DENND4C: variants seen among roughly 807,000 people sequenced by gnomAD.
DENND4C encodes the protein DENN domain-containing protein 4C.
DENND4C carries 108 observed loss-of-function variants against 203.0 expected under a neutral mutation model. That is an observed-to-expected ratio of 0.53 (90% CI 0.46 to 0.62). The LOEUF (loss-of-function observed/expected upper bound fraction) is 0.62. DENND4C is among the 20% of genes least tolerant of loss of function. The pLI is 0.00. For missense variants in DENND4C, 2,481 were observed against 2,301.2 expected (o/e 1.08, Z -1.60); for synonymous variants, 871 against 792.4 (o/e 1.10, Z -1.67).
rs1237482240 is a variant in DENND4C at position 19,276,294 on chromosome 9, A to G, written c.120A>G (p.Lys40=). The G allele has an allele frequency of 2.4e-6, 3 of 1,231,990 alleles. No individual in the cohort carries two copies. The highest frequency in any genetic ancestry group is 3.0e-6 in the Non-Finnish European group (3 of 987,942). 76.3% of individuals were successfully genotyped at this position (1,231,990 alleles called of 1,614,324 possible). A position where few individuals can be genotyped will look rare whatever the true frequency, so the allele number is the denominator to read the frequency against. ...NRLDTKSTGP[K]APITDIAIII... is the part of the protein sequence containing the mutation. The stretch of plus-strand genomic sequence containing the variant: ...TAGATACTAAGTCAACTGGACCTAA[A>G]GCTCCAATTACAGACATTGCCATTA... Residue 40 remains lysine (K), a synonymous_variant, in exon 2 of 33, where the codon AAA becomes AAG. Coordinates refer to ENST00000434457, the MANE Select transcript of DENND4C (RefSeq NM_001330640.2).
chr9:19,309,057 G>A (rs188840728), intron 10 of DENND4C, among the ~76,000 whole-genome samples: 43 of 152,298 alleles, frequency 2.8e-4, no homozygotes, highest in African/African-American at 1.0e-3. Context: ...GATTGCCTTG[G>A]AATGAAGAGG....
chr9:19,233,713 T>C (rs1308317603), intron 1 of DENND4C, among the ~76,000 whole-genome samples: 1 of 151,598 alleles, frequency 6.6e-6, no homozygotes, highest in Non-Finnish European at 1.5e-5. Context: ...CTGCCTCAGC[T>C]TCCCAAATAG....
At chr9:19,368,086 T>G (rs1295056209) in intron 30 of DENND4C, among the ~76,000 whole-genome samples, 1 of 152,168 alleles carries the variant, frequency 6.6e-6, no homozygotes, top group African/African-American at 2.4e-5. Flanking sequence ...CATTGAATTG[T>G]GTATTTAAAT....
At chr9:19,356,405 C>G (rs543947938) in intron 26 of DENND4C, among the ~76,000 whole-genome samples, 1 of 152,160 alleles carries the variant, frequency 6.6e-6, no homozygotes, top group South Asian at 2.1e-4. Context: ...ATTACCATTA[C>G]CTCAGAAAAT....
chr9:19,334,933 G>A, intron 17 of DENND4C, 44 bp from the exon 18 acceptor site: 2 of 1,518,788 alleles, frequency 1.3e-6, no homozygotes, highest in Non-Finnish European at 1.8e-6. Flanking sequence ...TTCACAGATA[G>A]ATTAGTATAC....
At chr9:19,238,900 A>G (rs1205241354) in intron 1 of DENND4C, among the ~76,000 whole-genome samples, 1 of 148,740 alleles carries the variant, frequency 6.7e-6, no homozygotes, top group Admixed American at 6.7e-5. Flanking sequence ...TGATCCACCC[A>G]CCTCGGCCTC....
At chr9:19,329,896 G>A (rs1030193646) in intron 16 of DENND4C, among the ~76,000 whole-genome samples, 1 of 152,216 alleles carries the variant, frequency 6.6e-6, no homozygotes, top group Non-Finnish European at 1.5e-5. Flanking sequence ...AAAGAACTAA[G>A]CTGTGGTTAC....
At chr9:19,333,992 A>G (rs979190449) in intron 17 of DENND4C, among the ~76,000 whole-genome samples, 3 of 152,192 alleles carry the variant, frequency 2.0e-5, no homozygotes, top group African/African-American at 7.2e-5. Flanking sequence ...AATGGAAAGC[A>G]TAGTGATTGG....
chr9:19,318,765 C>A lies in DENND4C; in HGVS notation c.1807+1926C>A, dbSNP rs1488437739. On this transcript the variant is annotated intron_variant, in intron 12 of 32. Transcript: ENST00000434457. The stretch of plus-strand genomic sequence containing the variant: ...ATCCTCTTCTTACAAGGCTACCAGT[C>A]TTACTGAACTAGGATCTACCCAATA... Among the ~76,000 whole-genome samples the A allele has an allele frequency of 3.3e-5, 5 of 152,274 alleles. No homozygotes were observed. In the East Asian group the frequency reaches 9.6e-4, roughly 29 times the overall value.
At chr9:19,296,700 T>C (rs1290656918) in intron 6 of DENND4C, among the ~76,000 whole-genome samples, 1 of 152,158 alleles carries the variant, frequency 6.6e-6, no homozygotes, top group Non-Finnish European at 1.5e-5. Flanking sequence ...TAAAATTGGA[T>C]AGTAGTGGTA....
chr9:19,236,070 T>G (rs566193696), intron 1 of DENND4C, among the ~76,000 whole-genome samples: 5 of 152,146 alleles, frequency 3.3e-5, no homozygotes, highest in African/African-American at 1.2e-4. Context: ...GTATATGCAG[T>G]TCAATTATCT....
chr9:19,343,881 A>C (rs12004717), intron 22 of DENND4C, among the ~76,000 whole-genome samples: 2,586 of 152,292 alleles, frequency 0.017, 83 homozygotes, highest in African/African-American at 0.06. Flanking sequence ...TTTTTTAAAA[A>C]ACATTGAATA....
chr9:19,309,655 T>G (rs1183842592), intron 10 of DENND4C, among the ~76,000 whole-genome samples: 1 of 152,174 alleles, frequency 6.6e-6, no homozygotes, highest in Non-Finnish European at 1.5e-5. Context: ...GTCTTTTGTT[T>G]TTCCATGTAA....
In DENND4C at chr9:19,358,509, T is replaced by C. The variant is rs562198096; in HGVS notation, c.5160+349T>C. Among the ~76,000 whole-genome samples the C allele has an allele frequency of 4.7e-4, 71 of 152,084 alleles. 1 individual carries two copies. Among genetic ancestry groups the C allele is most frequent in the African/African-American group, 1.6e-3 (66 of 41,366 alleles). On this transcript the variant is annotated intron_variant, in intron 28 of 32. Coordinates refer to ENST00000434457, the MANE Select transcript of DENND4C (RefSeq NM_001330640.2). The surrounding 1 kb of genome is among the most constrained non-coding windows in gnomAD (Gnocchi z 4.8). The stretch of plus-strand genomic sequence containing the variant: ...ATGTATCCCTGAATGATGAGGACTT[T>C]AGAAAAATATAATCACACTGCTTTT...
Position 19,350,773 on chromosome 9 carries a change from T to C in DENND4C, c.4389T>C (p.Pro1463=). ...ATATTTTGGGGGAGAATATATCGCC[T>C]AACACAAGTATCTCAGGGTTGGTCC... is the stretch of plus-strand genomic sequence containing the variant. ...EDHILGENIS[P]NTSISGLVPS... is the part of the protein sequence containing the mutation. The change falls in exon 24 of 33, where the codon CCT becomes CCC. Residue 1463 remains proline, a synonymous_variant. Coordinates refer to ENST00000434457, the MANE Select transcript of DENND4C (RefSeq NM_001330640.2). 2 of 1,614,046 alleles carry C rather than the reference T, an allele frequency of 1.2e-6. No individual in the cohort carries two copies. Among genetic ancestry groups the C allele is most frequent in the South Asian group, 2.2e-5 (2 of 91,072 alleles).
chr9:19,330,202 A>ATT lies in DENND4C; in HGVS notation c.2254-1767_2254-1766dup, dbSNP rs534386787. 3.5e-3 allele frequency among the ~76,000 whole-genome samples: 529 copies of ATT among 150,618 alleles called. 3 individuals are homozygous for ATT. Among genetic ancestry groups the ATT allele is most frequent in the African/African-American group, 0.012 (504 of 41,156 alleles). ...GCCTCTAAATCTCATTTATAGCAGAATTTTTTTTTTCAGGCTAACTGGAAA... is the reference window on the plus strand; with the variant it reads ...GCCTCTAAATCTCATTTATAGCAGAATTTTTTTTTTTTCAGGCTAACTGGAAA... On this transcript the variant is annotated intron_variant, in intron 16 of 32. Transcript: ENST00000434457.
At chr9:19,298,236 T>G in intron 7 of DENND4C, 114 bp downstream of exon 7, 2 of 868,016 alleles carry the variant, frequency 2.3e-6, no homozygotes, top group Non-Finnish European at 3.6e-6. Flanking sequence ...ATTCATAAAG[T>G]CCTTGGATTT....
chr9:19,311,141 A>G (rs929806985), intron 10 of DENND4C, among the ~76,000 whole-genome samples: 15 of 152,074 alleles, frequency 9.9e-5, no homozygotes, highest in Admixed American at 8.5e-4. Flanking sequence ...CCTTTGTTTG[A>G]CAGAGTCTTG....
intron 1 of DENND4C, among the ~76,000 whole-genome samples, chr9:19,250,914 G>A (rs1037570866): frequency 3.7e-4 from 56 of 152,208 alleles, no homozygotes; most frequent in African/African-American, 1.3e-3. Flanking sequence ...TCATGGGCTG[G>A]TGATGAGTGT....
Sources: allele counts gnomAD v4.1 joint callset (sites outside exome capture counted in the v4.1 genomes callset), GRCh38; gene constraint gnomAD v4.1.1; non-coding constraint Gnocchi (gnomAD v3.1); transcripts MANE v1.5; gene names NCBI Gene and HGNC (gene_info 2026-07-23, HGNC 2026-07-21).